The following LSP1 variants were observed in gnomAD, a reference collection of about 807,000 sequenced individuals.
The protein encoded by LSP1 is lymphocyte-specific protein 1.
In LSP1, 32 loss-of-function variants were observed where a neutral mutation model predicts 49.3. The observed-to-expected ratio is 0.65, with a 90% CI of 0.49 to 0.87. The LOEUF (loss-of-function observed/expected upper bound fraction) is 0.87, where lower values mean the gene tolerates loss of function less well. Among genes scored for constraint, LSP1 ranks in the 40% least tolerant of loss-of-function variants. The probability of loss-of-function intolerance (pLI) is 0.00; values close to 1 mark genes in which losing one functional copy is unlikely to be tolerated. For synonymous variants in LSP1, 179 were observed against 178.8 expected, an observed-to-expected ratio of 1.00 and a Z score of -0.01; for missense variants, 428 against 442.6, an observed-to-expected ratio of 0.97 and a Z score of 0.30.
At chr11:1,854,215 T>C (rs964381692) in intron 1 of LSP1, among the ~76,000 whole-genome samples, 2 of 151,940 alleles carry the variant, frequency 1.3e-5, no homozygotes, top group Non-Finnish European at 2.9e-5. Flanking sequence ...TGTGGCCTGG[T>C]GTGCGGAAGG....
chr11:1,866,821 C>T, intron 1 of LSP1: 1 of 1,549,940 alleles, frequency 6.5e-7, no homozygotes, highest in South Asian at 1.2e-5. Flanking sequence ...GGCAGAGCCC[C>T]TGCCTGGCTG....
At chr11:1,889,680 G>T (rs1294098148) in intron 10 of LSP1, 1 of 635,236 alleles carries the variant, frequency 1.6e-6, no homozygotes, top group South Asian at 1.8e-5. Flanking sequence ...CTCAGCGGCG[G>T]GGCCAGCCAT....
Position 1,884,424 on chromosome 11 carries a change from G to T in LSP1, c.636-76G>T. The stretch of plus-strand genomic sequence containing the variant: ...GGTAGAGATCTGGAGACCGAGGGGG[G>T]CTCTGGGAGAGGCTTGGGCAGGTTG... On this transcript the variant is annotated intron_variant, in intron 6 of 10. Coordinates refer to ENST00000311604, the MANE Select transcript of LSP1 (RefSeq NM_002339.3). The surrounding 1 kb of genome is among the most constrained non-coding windows in gnomAD (Gnocchi z 4.1). 4.4e-6 allele frequency: 7 copies of T among 1,603,572 alleles called. No homozygotes were observed. The highest frequency in any genetic ancestry group is 1.7e-4 in the Middle Eastern group (1 of 6,054).
intron 1 of LSP1, among the ~76,000 whole-genome samples, chr11:1,873,810 CCCAGCAGAGGAGGGAGG>C (rs1216833990): frequency 0.055 from 7,370 of 134,282 alleles, 958 homozygotes; most frequent in Non-Finnish European, 0.076. Context: ...GAGCAGGGAG[CCCAGCAGAGGAGGGAGG>C]CCGGCAGAGG....
At chr11:1,863,276 C>G (rs1245694862) in intron 1 of LSP1, 2 of 152,274 alleles carry the variant, frequency 1.3e-5, no homozygotes, top group Admixed American at 1.3e-4. Context: ...CTCAGTGTTC[C>G]CAAGGTGCTG....
intron 1 of LSP1, among the ~76,000 whole-genome samples, chr11:1,875,345 G>C (rs564859928): frequency 9.9e-5 from 15 of 152,172 alleles, no homozygotes; most frequent in Non-Finnish European, 2.1e-4. Context: ...ACCTGGGTGT[G>C]GGGATCCTAA....
intron 1 of LSP1, among the ~76,000 whole-genome samples, chr11:1,874,157 C>CTGGGGACAGTGGGGGCAGTGT (rs1848202758): frequency 1.1e-5 from 1 of 93,576 alleles, no homozygotes; most frequent in Non-Finnish European, 2.2e-5. Flanking sequence ...TGGGGGCAGG[C>CTGGGGACAGTGGGGGCAGTGT]CGGGGACAGT....
intron 1 of LSP1, chr11:1,871,049 G>T: frequency 3.0e-6 from 3 of 985,616 alleles, no homozygotes; most frequent in Non-Finnish European, 3.6e-6. Context: ...CGCATGCGAG[G>T]GTGAGAGCTG....
chr11:1,883,201 G>A (rs61868798), intron 3 of LSP1, among the ~76,000 whole-genome samples: 27,023 of 152,236 alleles, frequency 0.18, 2,892 homozygotes, highest in South Asian at 0.35. Flanking sequence ...AGTTCCCCAG[G>A]GGCCTCAGGC....
At chr11:1,880,962 G>C (rs1848512081) in intron 2 of LSP1, 1 of 159,404 alleles carries the variant, frequency 6.3e-6, no homozygotes, top group Admixed American at 6.4e-5. Context: ...GGCTGACGGG[G>C]GAGGCCCAGC....
chr11:1,889,868 AC>A, intron 10 of LSP1: 1 of 631,282 alleles, frequency 1.6e-6, no homozygotes. Context: ...CAGGCAAGGG[AC>A]TGGCAGCCTG....
chr11:1,878,747 C>A (rs2133107405), intron 1 of LSP1, among the ~76,000 whole-genome samples: 1 of 152,278 alleles, frequency 6.6e-6, no homozygotes, highest in South Asian at 2.1e-4. Context: ...CCCAGCCCTG[C>A]TCCCTGTTCT....
At position 1,880,150 on chromosome 11, in the gene LSP1, G is replaced by A. The variant is rs1361728086; in HGVS notation, c.117G>A (p.Glu39=). Residue 39 remains glutamate, a synonymous_variant, in exon 2 of 11, where the codon GAG becomes GAA. Coordinates refer to ENST00000311604, the MANE Select transcript of LSP1 (RefSeq NM_002339.3). ...CCGTCCACGAGCAATGCCAGCATGA[G>A]AGAGACAGGCAGCTTCAGGCCCAGG... ...EEAVHEQCQH[E]RDRQLQAQDE... is the part of the protein sequence containing the mutation. 6.2e-7 allele frequency: 1 copy of A among 1,608,286 alleles called. No homozygotes were observed. The highest frequency in any genetic ancestry group is 1.3e-5 in the African/African-American group (1 of 74,636).
chr11:1,871,505 C>G (rs1848005662), intron 1 of LSP1: 1 of 981,734 alleles, frequency 1.0e-6, no homozygotes, highest in Non-Finnish European at 1.2e-6. Context: ...CTGACCCAGC[C>G]TCTGAGGACC....
At chr11:1,882,705 C>T (rs1280127785) in intron 3 of LSP1, among the ~76,000 whole-genome samples, 2 of 152,240 alleles carry the variant, frequency 1.3e-5, no homozygotes, top group Non-Finnish European at 2.9e-5. Context: ...CAGACCTGCT[C>T]CTGAATGGCC....
intron 1 of LSP1, among the ~76,000 whole-genome samples, chr11:1,868,411 A>C (rs1847867056): frequency 6.6e-6 from 1 of 152,180 alleles, no homozygotes. Context: ...ACACATATAC[A>C]GATGTGGCAG....
At chr11:1,889,478 G>A (rs1292832344) in intron 10 of LSP1, 19 of 619,296 alleles carry the variant, frequency 3.1e-5, no homozygotes, top group Non-Finnish European at 4.7e-5. Flanking sequence ...CTGTGGGGGT[G>A]GGCACCTCTG....
chr11:1,881,239 A>C, intron 2 of LSP1, 193 bp from the exon 3 acceptor site: 2 of 546,872 alleles, frequency 3.7e-6, no homozygotes, highest in Non-Finnish European at 6.3e-6. Flanking sequence ...CTGCCCCAGA[A>C]CTGACGGGGG....
intron 10 of LSP1, chr11:1,889,816 AGGCCTG>A (rs1187378264): frequency 4.1e-5 from 26 of 636,136 alleles, no homozygotes; most frequent in Middle Eastern, 2.5e-4. Context: ...CTGGGCACTG[AGGCCTG>A]GAAGCCGGGT....
Sources: gnomAD v4.1 joint callset for allele counts (sites outside exome capture counted in the v4.1 genomes callset) on GRCh38, gnomAD v4.1.1 for gene constraint, Gnocchi (gnomAD v3.1) non-coding constraint, MANE v1.5 for transcripts, NCBI Gene and HGNC (gene_info 2026-07-23, HGNC 2026-07-21) for gene names.